Variants in PHF8 observed in about 807,000 individuals in gnomAD.
PHF8 encodes the protein PHD finger protein 8.
In PHF8, 9 loss-of-function variants were observed where a neutral mutation model predicts 74.4. The ratio of observed to expected loss-of-function variants is 0.12; its 90% CI spans 0.07 to 0.21. The LOEUF (loss-of-function observed/expected upper bound fraction) is 0.21, where lower values mean the gene tolerates loss of function less well. Among genes scored for constraint, PHF8 ranks in the 10% least tolerant of loss-of-function variants. The pLI is 1.00. For synonymous variants in PHF8, 311 were observed against 316.6 expected, an observed-to-expected ratio of 0.98 and a Z score of 0.19; for missense variants, 478 against 816.6, an observed-to-expected ratio of 0.59 and a Z score of 5.05.
At chrX:53,939,914 T>TACAA (rs2064723829) in intron 21 of PHF8, among the ~76,000 whole-genome samples, 1 of 110,735 alleles carries the variant, frequency 9.0e-6, no homozygotes, top group East Asian at 2.9e-4. Flanking sequence ...TGCCTGAACT[T>TACAA]GTATATGTGC....
chrX:53,954,818 A>G (rs1021832432), intron 19 of PHF8, among the ~76,000 whole-genome samples: 8 of 111,140 alleles, frequency 7.2e-5, no homozygotes, highest in Admixed American at 1.9e-4. Flanking sequence ...CTATCCCAAT[A>G]TTCTTTAAGC....
intron 2 of PHF8, among the ~76,000 whole-genome samples, chrX:54,024,150 C>T (rs1329999736): frequency 3.6e-5 from 4 of 111,812 alleles, no homozygotes; most frequent in Non-Finnish European, 5.6e-5. Context: ...TGGCCAGTCG[C>T]GGTAGCTCAC....
At chrX:53,943,791 T>C (rs2064789536) in intron 20 of PHF8, among the ~76,000 whole-genome samples, 1 of 112,167 alleles carries the variant, frequency 8.9e-6, no homozygotes, top group Non-Finnish European at 1.9e-5. Flanking sequence ...CGTACTCAGC[T>C]GAGTCACCCC....
At chrX:53,940,651 T>G (rs1294803907) in intron 20 of PHF8, 135 bp from the exon 21 acceptor site, 12 of 503,929 alleles carry the variant, frequency 2.4e-5, no homozygotes, top group Admixed American at 1.4e-4. Flanking sequence ...AAGTCTAGCC[T>G]GGATGTACAC....
intron 18 of PHF8, among the ~76,000 whole-genome samples, chrX:53,974,810 A>G (rs2149812988): frequency 8.9e-6 from 1 of 112,347 alleles, no homozygotes; most frequent in African/African-American, 3.2e-5. Flanking sequence ...ACACAAGAAC[A>G]GAAAACTAAA....
At chrX:54,043,229 G>GT (rs1316100702) in intron 1 of PHF8, 9 of 527,162 alleles carry the variant, frequency 1.7e-5, no homozygotes, top group Non-Finnish European at 1.9e-5. Context: ...GAGGCTGGGG[G>GT]TATCTCAAGA....
At chrX:53,957,443 C>G (rs782579223) in intron 19 of PHF8, among the ~76,000 whole-genome samples, 27 of 110,372 alleles carry the variant, frequency 2.4e-4, no homozygotes, top group Middle Eastern at 4.6e-3. Context: ...ATTGCTTGAA[C>G]CCGGGAGGCA....
rs1169345416 is a variant in PHF8 at position 54,043,930 on chromosome X, G to A, written c.-261C>T. ...CACGCCGGCAGCCGGGCTAGCTCCG[G>A]GACTGCGAAGCGCCTCAGCGGAGGC... On this transcript the variant is annotated 5_prime_UTR_variant, in exon 1 of 22. Transcript: ENST00000338154. 1.3e-6 allele frequency: 1 copy of A among 753,873 alleles called. No homozygotes were observed. Among genetic ancestry groups the A allele is most frequent in the African/African-American group, 2.3e-5 (1 of 43,632 alleles). 62.1% of individuals were successfully genotyped at this position (753,873 alleles called of 1,213,427 possible). A position where few individuals can be genotyped will look rare whatever the true frequency, so the allele number is the denominator to read the frequency against.
At chrX:54,016,345 T>A (rs782453303) in intron 6 of PHF8, among the ~76,000 whole-genome samples, 1 of 110,063 alleles carries the variant, frequency 9.1e-6, no homozygotes, top group African/African-American at 3.3e-5. Flanking sequence ...CATACAAAAA[T>A]TAGCCAGGCA....
At chrX:54,042,575 A>C in intron 2 of PHF8, 56 bp downstream of exon 2, 6 of 1,003,405 alleles carry the variant, frequency 6.0e-6, no homozygotes, top group Non-Finnish European at 8.4e-6. Flanking sequence ...AGGAAGAGAG[A>C]GCAAGTGAAC....
At chrX:54,025,176 G>A (rs1355649205) in intron 2 of PHF8, among the ~76,000 whole-genome samples, 2 of 111,292 alleles carry the variant, frequency 1.8e-5, no homozygotes, top group African/African-American at 3.3e-5. Flanking sequence ...GCGCCCGGCC[G>A]GTTCATACCA....
chrX:53,987,742 GA>G (rs1569526997), intron 15 of PHF8, 23 bp downstream of exon 15: 2 of 1,149,304 alleles, frequency 1.7e-6, no homozygotes, highest in Non-Finnish European at 2.3e-6. Context: ...GGCAGGGGAG[GA>G]AAAAGAAAGA....
At position 53,937,760 on chromosome X, in the gene PHF8, T is replaced by C. The variant is rs782202856; in HGVS notation, c.*1398A>G. The C allele has an allele frequency of 7.5e-5, 28 of 375,772 alleles. No homozygotes were observed. The highest frequency in any genetic ancestry group is 1.8e-4 in the African/African-American group (7 of 39,028). The allele number at this position is 375,772 out of a possible 1,213,427, so 31.0% of individuals were successfully genotyped here. On this transcript the variant is annotated 3_prime_UTR_variant, in exon 22 of 22. Transcript: ENST00000338154. ...GTAGCTATTAAATTCCCCAGAAGCA[T>C]TGGGCAAGCTGGGGTGAGGTTGGAG... is the stretch of plus-strand genomic sequence containing the variant.
intron 19 of PHF8, among the ~76,000 whole-genome samples, chrX:53,957,942 T>C (rs2065038441): frequency 8.9e-6 from 1 of 112,048 alleles, no homozygotes; most frequent in African/African-American, 3.2e-5. Flanking sequence ...CTAACTGGTG[T>C]GTTCAATGCC....
In PHF8 at chrX:54,011,345, G is replaced by A. The variant is rs113024002; in HGVS notation, c.784-61C>T. ...AAGGGTTTCCAGAAAAGTCCTTAAC[G>A]GGTACTCCAAAGGGGTATTTCTCCC... On this transcript the variant is annotated intron_variant, in intron 7 of 21. Coordinates refer to ENST00000338154, the MANE Select transcript of PHF8 (RefSeq NM_015107.3). 207 of 965,992 alleles carry A rather than the reference G, an allele frequency of 2.1e-4. 2 individuals carry two copies. The highest frequency in any genetic ancestry group is 6.8e-4 in the East Asian group (22 of 32,405). The allele number at this position is 965,992 out of a possible 1,213,427, so 79.6% of individuals were successfully genotyped here.
At chrX:53,954,142 T>C (rs1366620507) in intron 19 of PHF8, among the ~76,000 whole-genome samples, 2 of 111,180 alleles carry the variant, frequency 1.8e-5, no homozygotes, top group Non-Finnish European at 3.8e-5. Context: ...AATAGATAAA[T>C]TCAATAATAA....
rs1181843253 is a variant in PHF8 at position 54,044,051 on chromosome X, C to T, written c.-382G>A. The stretch of plus-strand genomic sequence containing the variant: ...CTCGCTCGCCTTCCCCTCGAGCCCC[C>T]CGCTGGGTCGCGCGGCGCCAGCCGC... On this transcript the variant is annotated 5_prime_UTR_variant, in exon 1 of 22. Coordinates refer to ENST00000338154, the MANE Select transcript of PHF8 (RefSeq NM_015107.3). The T allele has an allele frequency of 1.3e-5, 10 of 754,529 alleles. No individual in the cohort carries two copies. The highest frequency in any genetic ancestry group is 8.5e-5 in the Admixed American group (1 of 11,697). The allele number at this position is 754,529 out of a possible 1,213,427, so 62.2% of individuals were successfully genotyped here.
intron 18 of PHF8, among the ~76,000 whole-genome samples, chrX:53,978,659 G>A (rs1454063292): frequency 9.2e-6 from 1 of 109,139 alleles, no homozygotes; most frequent in Non-Finnish European, 1.9e-5. Flanking sequence ...TTAGCTAGGT[G>A]TGGTGGTGTG....
chrX:54,044,528 CG>C (rs372754864), upstream of PHF8: 285 of 428,977 alleles, frequency 6.6e-4, no homozygotes, highest in East Asian at 1.4e-3. Flanking sequence ...GTGACGTCAT[CG>C]GGGGGGCGGG....
Sources: allele counts gnomAD v4.1 joint callset (sites outside exome capture counted in the v4.1 genomes callset), GRCh38; gene constraint gnomAD v4.1.1; transcripts MANE v1.5; gene names NCBI Gene and HGNC (gene_info 2026-07-23, HGNC 2026-07-21).